TTLL5: variants seen among roughly 807,000 people sequenced by gnomAD.
TTLL5 encodes tubulin polyglutamylase TTLL5.
In TTLL5, 132 loss-of-function variants were observed where a neutral mutation model predicts 168.4. The ratio of observed to expected loss-of-function variants is 0.78; its 90% CI spans 0.68 to 0.91. The LOEUF is 0.91. Among genes scored for constraint, TTLL5 ranks in the 40% least tolerant of loss-of-function variants. The pLI is 0.00. For missense variants in TTLL5, 1,545 were observed against 1,581.5 expected (o/e 0.98, Z 0.39); for synonymous variants, 546 against 558.6 (o/e 0.98, Z 0.32).
intron 28 of TTLL5, among the ~76,000 whole-genome samples, chr14:75,832,151 C>A (rs1055172108): frequency 6.6e-6 from 1 of 152,188 alleles, no homozygotes; most frequent in Non-Finnish European, 1.5e-5. Context: ...TCAGAGTAAA[C>A]TTCTTGCTCA....
intron 31 of TTLL5, among the ~76,000 whole-genome samples, chr14:75,937,378 G>A (rs919412074): frequency 1.3e-5 from 2 of 151,386 alleles, no homozygotes; most frequent in Admixed American, 1.3e-4. Flanking sequence ...TACCCACTCA[G>A]CCTCCCAAAG....
intron 28 of TTLL5, among the ~76,000 whole-genome samples, chr14:75,821,465 TG>T (rs1282636915): frequency 6.6e-6 from 1 of 152,234 alleles, no homozygotes; most frequent in African/African-American, 2.4e-5. Flanking sequence ...TTCAGAGCCT[TG>T]TTTTTATGGA....
At chr14:75,732,502 G>C in intron 13 of TTLL5, 83 bp downstream of exon 13, 1 of 1,206,276 alleles carries the variant, frequency 8.3e-7, no homozygotes, top group South Asian at 1.3e-5. Flanking sequence ...ATTTCTCTTG[G>C]CACTAGAAGA....
chr14:75,717,003 T>C (rs1417743248), intron 9 of TTLL5, among the ~76,000 whole-genome samples: 1 of 152,200 alleles, frequency 6.6e-6, no homozygotes, highest in Non-Finnish European at 1.5e-5. Context: ...TCTTTTTAAA[T>C]GAGTATTATG....
At chr14:75,726,791 G>C (rs546074500) in intron 12 of TTLL5, among the ~76,000 whole-genome samples, 1 of 152,256 alleles carries the variant, frequency 6.6e-6, no homozygotes, top group Non-Finnish European at 1.5e-5. Flanking sequence ...GAATTGACAA[G>C]TTTAAATTCA....
At chr14:75,854,603 C>T (rs891893688) in intron 28 of TTLL5, among the ~76,000 whole-genome samples, 9 of 152,082 alleles carry the variant, frequency 5.9e-5, no homozygotes, top group East Asian at 1.9e-4. Context: ...TTTTCTGAAA[C>T]GATTGCATCA....
intron 29 of TTLL5, among the ~76,000 whole-genome samples, chr14:75,875,684 A>G (rs2031431729): frequency 6.6e-6 from 1 of 152,238 alleles, no homozygotes; most frequent in Non-Finnish European, 1.5e-5. Flanking sequence ...GCCATTAAAA[A>G]CAGCAGTCTA....
chr14:75,796,663 C>A (rs1391725644), intron 27 of TTLL5, among the ~76,000 whole-genome samples: 3 of 152,100 alleles, frequency 2.0e-5, no homozygotes, highest in Non-Finnish European at 4.4e-5. Flanking sequence ...TATGCTAGCA[C>A]CATTTGTTGA....
At chr14:75,749,941 T>C (rs1889846895) in intron 17 of TTLL5, among the ~76,000 whole-genome samples, 1 of 152,170 alleles carries the variant, frequency 6.6e-6, no homozygotes, top group African/African-American at 2.4e-5. Context: ...ATAGCTTTAT[T>C]ACTTTATTCC....
chr14:75,813,927 A>G (rs1022240822), intron 27 of TTLL5, among the ~76,000 whole-genome samples: 1 of 152,024 alleles, frequency 6.6e-6, no homozygotes, highest in African/African-American at 2.4e-5. Flanking sequence ...GCAAGCCTAG[A>G]TTTAATAGCA....
intron 31 of TTLL5, among the ~76,000 whole-genome samples, chr14:75,909,902 C>G (rs1203792380): frequency 1.3e-5 from 2 of 152,234 alleles, no homozygotes; most frequent in African/African-American, 4.8e-5. Flanking sequence ...AGGCCTCTTG[C>G]ATTTCATTTA....
chr14:75,719,963 G>A, intron 11 of TTLL5, 137 bp downstream of exon 11: 1 of 909,862 alleles, frequency 1.1e-6, no homozygotes, highest in Admixed American at 2.3e-5. Flanking sequence ...ACTTTTTCCT[G>A]CAGTTGACAA....
intron 29 of TTLL5, among the ~76,000 whole-genome samples, chr14:75,875,553 G>GA (rs908426130): frequency 1.3e-5 from 2 of 149,762 alleles, no homozygotes; most frequent in Admixed American, 1.3e-4. Context: ...AAAAAAAAAA[G>GA]AAAAAAATAT....
Position 75,696,818 on chromosome 14 carries a change from C to T in TTLL5, c.503-2370C>T, listed in dbSNP as rs754867032. Among the ~76,000 whole-genome samples the T allele has an allele frequency of 1.1e-3, 165 of 152,246 alleles. 5 individuals carry two copies. Among genetic ancestry groups the T allele is most frequent in the East Asian group, 3.9e-4 (2 of 5,186 alleles). On this transcript the variant is annotated intron_variant, in intron 6 of 31. Coordinates refer to ENST00000298832, the MANE Select transcript of TTLL5 (RefSeq NM_015072.5). ...TAACGTGTGTATATGAACAGATGGG[C>T]GTATATAACATACATTGCCCTGCAC...
chr14:75,824,368 C>G (rs557208497), intron 28 of TTLL5, among the ~76,000 whole-genome samples: 1 of 152,166 alleles, frequency 6.6e-6, no homozygotes, highest in East Asian at 1.9e-4. Context: ...TGACAAAGAT[C>G]TGAATTTTAT....
At chr14:75,935,045 C>T (rs1055143488) in intron 31 of TTLL5, among the ~76,000 whole-genome samples, 2 of 152,188 alleles carry the variant, frequency 1.3e-5, no homozygotes, top group African/African-American at 4.8e-5. Flanking sequence ...GACTGTTGAA[C>T]CCAAGCTTTA....
chr14:75,852,101 A>G lies in TTLL5; in HGVS notation c.3327-11566A>G, dbSNP rs914273166. On this transcript the variant is annotated intron_variant, in intron 28 of 31. Transcript: ENST00000298832. The stretch of plus-strand genomic sequence containing the variant: ...CAGCTGAGGAAACCAAGGCACAGAG[A>G]GGTTAAACATGTTGCTTCTAGTGGT... Among the ~76,000 whole-genome samples the G allele has an allele frequency of 9.2e-5, 14 of 152,176 alleles. 1 individual carries two copies. In the South Asian group the frequency reaches 2.9e-3, roughly 32 times the overall value.
At chr14:75,683,511 G>C in intron 4 of TTLL5, 39 bp from the exon 5 acceptor site, 1 of 1,484,128 alleles carries the variant, frequency 6.7e-7, no homozygotes, top group Non-Finnish European at 9.4e-7. Context: ...GGGTATCTCT[G>C]ATGTTTTTTT....
At chr14:75,812,830 T>C (rs924678968) in intron 27 of TTLL5, among the ~76,000 whole-genome samples, 1 of 152,188 alleles carries the variant, frequency 6.6e-6, no homozygotes, top group African/African-American at 2.4e-5. Flanking sequence ...CCCGTGGATC[T>C]TGAAAATGCA....
Sources: allele counts gnomAD v4.1 joint callset (sites outside exome capture counted in the v4.1 genomes callset), GRCh38; gene constraint gnomAD v4.1.1; transcripts MANE v1.5; gene names NCBI Gene and HGNC (gene_info 2026-07-23, HGNC 2026-07-21).